Variants in ATP2B1 observed in about 807,000 individuals in gnomAD.
The protein encoded by ATP2B1 is ATPase plasma membrane Ca2+ transporting 1.
Under a neutral mutation model 124.2 loss-of-function variants are expected in ATP2B1, and 14 were observed. The ratio of observed to expected loss-of-function variants is 0.11; its 90% CI spans 0.07 to 0.18. The LOEUF is 0.18. Ranked by LOEUF, ATP2B1 falls within the 10% of genes least tolerant of loss-of-function variation. The pLI, the probability that ATP2B1 is intolerant of heterozygous loss-of-function variation, is 1.00. For missense variants in ATP2B1, 763 were observed against 1,466.1 expected (o/e 0.52, Z 7.83); for synonymous variants, 449 against 492.4 (o/e 0.91, Z 1.17).
Position 89,655,823 on chromosome 12 carries a change from T to C in ATP2B1, c.64A>G (p.Asn22Asp). ...SGVKNSLKEANHDGDFGITLA... is the reference protein window; with the variant it reads ...SGVKNSLKEADHDGDFGITLA... Reference sequence around the variant, plus strand: ...GTAATTCCAAAGTCTCCATCATGATTAGCTTCCTTCAAAGAGTTTTTCACA... The same window carrying C: ...GTAATTCCAAAGTCTCCATCATGATCAGCTTCCTTCAAAGAGTTTTTCACA... The change falls in exon 2 of 21, where the codon AAT becomes GAT. Residue 22 changes from asparagine (N) to aspartate (D), a missense_variant. Asn to Asp is a conservative substitution (Grantham distance 23, BLOSUM62 1). Coordinates refer to ENST00000428670, the MANE Select transcript of ATP2B1 (RefSeq NM_001366521.1). 2 of 1,614,072 alleles carry C rather than the reference T, an allele frequency of 1.2e-6. No individual in the cohort carries two copies. Among genetic ancestry groups the C allele is most frequent in the South Asian group, 1.1e-5 (1 of 91,082 alleles).
At chr12:89,673,324 A>T (rs1443782999) in intron 1 of ATP2B1, among the ~76,000 whole-genome samples, 1 of 152,178 alleles carries the variant, frequency 6.6e-6, no homozygotes, top group Non-Finnish European at 1.5e-5. Flanking sequence ...TATTAATATC[A>T]CTTCAAACTA....
chr12:89,661,336 C>T (rs989686379), intron 1 of ATP2B1, among the ~76,000 whole-genome samples: 7 of 152,092 alleles, frequency 4.6e-5, no homozygotes, highest in African/African-American at 1.4e-4. Flanking sequence ...TTTAAAAAGA[C>T]TTTTCTGTTA....
At chr12:89,665,316 A>G (rs530317003) in intron 1 of ATP2B1, among the ~76,000 whole-genome samples, 100 of 152,332 alleles carry the variant, frequency 6.6e-4, no homozygotes, top group African/African-American at 2.2e-3. Context: ...AAAAATGTGG[A>G]GACTCATATT....
At chr12:89,602,237 G>C (rs1170508529) in intron 18 of ATP2B1, among the ~76,000 whole-genome samples, 2 of 152,118 alleles carry the variant, frequency 1.3e-5, no homozygotes, top group Non-Finnish European at 2.9e-5. Flanking sequence ...TTCAAGACCA[G>C]CCTAGGCAAC....
intron 1 of ATP2B1, among the ~76,000 whole-genome samples, chr12:89,698,805 T>C (rs1264282996): frequency 6.6e-6 from 1 of 152,202 alleles, no homozygotes; most frequent in East Asian, 1.9e-4. Context: ...GCTGGTCAGG[T>C]TAGATAAGAC....
At chr12:89,598,296 T>C (rs533036957) in intron 20 of ATP2B1, among the ~76,000 whole-genome samples, 1 of 152,312 alleles carries the variant, frequency 6.6e-6, no homozygotes, top group South Asian at 2.1e-4. Context: ...AAATTTATAG[T>C]AGTTTCACAA....
At chr12:89,687,993 C>G (rs1314677881) in intron 1 of ATP2B1, among the ~76,000 whole-genome samples, 1 of 151,844 alleles carries the variant, frequency 6.6e-6, no homozygotes, top group Non-Finnish European at 1.5e-5. Flanking sequence ...AAACTAAAAC[C>G]AAGAACATGT....
At chr12:89,656,617 A>T (rs997588027) in intron 1 of ATP2B1, among the ~76,000 whole-genome samples, 1 of 152,206 alleles carries the variant, frequency 6.6e-6, no homozygotes, top group Non-Finnish European at 1.5e-5. Context: ...CATATGGAAT[A>T]GCCCCTGAAA....
At chr12:89,699,807 T>C (rs1891607589) in intron 1 of ATP2B1, among the ~76,000 whole-genome samples, 1 of 152,144 alleles carries the variant, frequency 6.6e-6, no homozygotes, top group Non-Finnish European at 1.5e-5. Flanking sequence ...CATTAAATTA[T>C]GTACATAAAA....
At chr12:89,685,644 G>A (rs949938571) in intron 1 of ATP2B1, among the ~76,000 whole-genome samples, 22 of 152,052 alleles carry the variant, frequency 1.4e-4, no homozygotes, top group Admixed American at 1.3e-3. Flanking sequence ...GCTAAAGTTT[G>A]AGAACCATGT....
intron 1 of ATP2B1, among the ~76,000 whole-genome samples, chr12:89,671,372 G>C (rs1887955874): frequency 6.6e-6 from 1 of 152,154 alleles, no homozygotes; most frequent in Non-Finnish European, 1.5e-5. Flanking sequence ...TTAGAAGGAA[G>C]AGTTTTCTAC....
chr12:89,610,849 A>G (rs1877877749), intron 13 of ATP2B1: 1 of 340,082 alleles, frequency 2.9e-6, no homozygotes, highest in Non-Finnish European at 5.3e-6. Context: ...TAGCATAAGA[A>G]GTTCAGAGAG....
At chr12:89,698,139 C>T (rs772396268) in intron 1 of ATP2B1, among the ~76,000 whole-genome samples, 63 of 152,040 alleles carry the variant, frequency 4.1e-4, no homozygotes, top group Non-Finnish European at 8.2e-4. Context: ...CACCATTCTT[C>T]TTCCCATCCC....
intron 1 of ATP2B1, among the ~76,000 whole-genome samples, chr12:89,691,384 G>T (rs569130300): frequency 4.0e-4 from 61 of 152,192 alleles, no homozygotes; most frequent in African/African-American, 1.3e-3. Context: ...GTCTGTGACT[G>T]TTATTAGTAT....
intron 5 of ATP2B1, among the ~76,000 whole-genome samples, chr12:89,633,231 G>A (rs897489565): frequency 8.6e-5 from 13 of 151,918 alleles, no homozygotes; most frequent in African/African-American, 3.1e-4. Context: ...TGGCTATTTG[G>A]TATAAATGAC....
intron 15 of ATP2B1, among the ~76,000 whole-genome samples, chr12:89,607,473 T>C (rs1877140253): frequency 2.0e-5 from 3 of 152,212 alleles, no homozygotes; most frequent in African/African-American, 7.2e-5. Flanking sequence ...TGTGAATTTT[T>C]AGGAGACAGC....
At chr12:89,638,806 A>G (rs566685859) in intron 3 of ATP2B1, among the ~76,000 whole-genome samples, 2 of 152,328 alleles carry the variant, frequency 1.3e-5, no homozygotes, top group Admixed American at 6.5e-5. Context: ...GATTGCCACA[A>G]TCAGTTAATA....
chr12:89,676,629 G>A (rs1835427715), intron 1 of ATP2B1, among the ~76,000 whole-genome samples: 2 of 151,930 alleles, frequency 1.3e-5, no homozygotes, highest in South Asian at 4.2e-4. Flanking sequence ...GTTTATGTAG[G>A]TAATATCTGC....
chr12:89,645,466 CAATT>C (rs1056157715), intron 2 of ATP2B1, among the ~76,000 whole-genome samples: 3 of 151,996 alleles, frequency 2.0e-5, no homozygotes, highest in African/African-American at 7.3e-5. Context: ...AGACAGTAGA[CAATT>C]AAAATAACTA....
Sources: allele counts gnomAD v4.1 joint callset (sites outside exome capture counted in the v4.1 genomes callset), GRCh38; gene constraint gnomAD v4.1.1; transcripts MANE v1.5; gene names NCBI Gene and HGNC (gene_info 2026-07-23, HGNC 2026-07-21).